TBX5: variants seen among roughly 807,000 people sequenced by gnomAD.
TBX5 encodes the protein T-box transcription factor TBX5.
A neutral mutation model predicts 51.1 loss-of-function variants in TBX5; 8 were observed. That is an observed-to-expected ratio of 0.16 (90% CI 0.09 to 0.28). The LOEUF is 0.28. Ranked by LOEUF, TBX5 falls within the 10% of genes least tolerant of loss-of-function variation. The probability of loss-of-function intolerance (pLI) is 1.00; values close to 1 mark genes in which losing one functional copy is unlikely to be tolerated. For missense variants in TBX5, 589 were observed against 671.7 expected, an observed-to-expected ratio of 0.88 and a Z score of 1.36; for synonymous variants, 302 against 266.4, an observed-to-expected ratio of 1.13 and a Z score of -1.30.
intron 6 of TBX5, among the ~76,000 whole-genome samples, chr12:114,389,987 G>A (rs1871074576): frequency 6.6e-6 from 1 of 151,730 alleles, no homozygotes; most frequent in African/African-American, 2.4e-5. Flanking sequence ...AGAAAAGGGT[G>A]AATTTTATGT....
chr12:114,396,174 ACTCGCGGG>A (rs1871410275), intron 5 of TBX5, among the ~76,000 whole-genome samples: 1 of 150,800 alleles, frequency 6.6e-6, no homozygotes, highest in Non-Finnish European at 1.5e-5. Flanking sequence ...GGGACGAGGA[ACTCGCGGG>A]CCCCGCGGCT....
intron 5 of TBX5, among the ~76,000 whole-genome samples, chr12:114,397,097 G>A (rs534423240): frequency 4.1e-4 from 63 of 152,238 alleles, no homozygotes; most frequent in African/African-American, 1.4e-3. Flanking sequence ...TCAGCCCCAA[G>A]GCCTCAAAGG....
At chr12:114,367,441 C>G (rs1190780761) in intron 7 of TBX5, among the ~76,000 whole-genome samples, 1 of 152,116 alleles carries the variant, frequency 6.6e-6, no homozygotes, top group Non-Finnish European at 1.5e-5. Context: ...TAGCATCCCT[C>G]AGTGTGCTCA....
At chr12:114,396,507 C>G (rs1157443054) in intron 5 of TBX5, among the ~76,000 whole-genome samples, 1 of 152,118 alleles carries the variant, frequency 6.6e-6, no homozygotes, top group African/African-American at 2.4e-5. Context: ...GCTCCGAGCC[C>G]CTCTCCCCAG....
At chr12:114,363,017 G>T (rs1869328024) in intron 8 of TBX5, among the ~76,000 whole-genome samples, 1 of 152,160 alleles carries the variant, frequency 6.6e-6, no homozygotes, top group Non-Finnish European at 1.5e-5. Flanking sequence ...CAACCTGCTT[G>T]CAACCGTATG....
intron 7 of TBX5, among the ~76,000 whole-genome samples, chr12:114,384,777 G>A (rs1055569542): frequency 6.7e-6 from 1 of 149,682 alleles, no homozygotes; most frequent in Non-Finnish European, 1.5e-5. Flanking sequence ...TGGTCAGAGG[G>A]ATCAAGATGT....
rs1593883778 is a variant in TBX5, at chr12:114,401,816, A to G, written c.242+10T>C. ...CCTCGTCCCTCTCTCTACACAACAA[A>G]CCATCTCACCTTCCAGCCTTGGTTA... On this transcript the variant is annotated intron_variant, in intron 3 of 8. Coordinates refer to ENST00000405440, the MANE Select transcript of TBX5 (RefSeq NM_181486.4). 1.9e-6 allele frequency: 3 copies of G among 1,613,380 alleles called. No individual in the cohort carries two copies. Among genetic ancestry groups the G allele is most frequent in the Non-Finnish European group, 2.5e-6 (3 of 1,179,638 alleles).
chr12:114,360,778 G>A (rs1481671527), intron 8 of TBX5, among the ~76,000 whole-genome samples: 4 of 152,046 alleles, frequency 2.6e-5, no homozygotes, highest in Non-Finnish European at 2.9e-5. Context: ...GGGTGGATGA[G>A]TGGGTGGATG....
intron 6 of TBX5, among the ~76,000 whole-genome samples, chr12:114,388,992 G>A (rs980248631): frequency 1.3e-5 from 2 of 151,994 alleles, no homozygotes; most frequent in Admixed American, 6.5e-5. Context: ...GCAGTGGCGC[G>A]ATCTTGGCTC....
At chr12:114,407,165 A>C (rs550576580), upstream of TBX5, 12 of 959,568 alleles carry the variant, frequency 1.3e-5, no homozygotes, top group Non-Finnish European at 1.5e-5. Flanking sequence ...ATTGCTGCAA[A>C]ATGCCAAAGT....
intron 7 of TBX5, among the ~76,000 whole-genome samples, chr12:114,380,447 T>A (rs1416429664): frequency 6.6e-6 from 1 of 152,212 alleles, no homozygotes; most frequent in Non-Finnish European, 1.5e-5. Flanking sequence ...TCCTCTTTAA[T>A]CAGCCTTAAC....
At chr12:114,386,947 A>T (rs902072060) in intron 6 of TBX5, among the ~76,000 whole-genome samples, 16 of 135,500 alleles carry the variant, frequency 1.2e-4, no homozygotes, top group African/African-American at 4.5e-4. Context: ...TACAAAATTT[A>T]AAAAAAAAAA....
intron 7 of TBX5, among the ~76,000 whole-genome samples, chr12:114,379,824 T>C (rs1482267703): frequency 6.6e-6 from 1 of 152,204 alleles, no homozygotes; most frequent in African/African-American, 2.4e-5. Flanking sequence ...ATGTTTTAGT[T>C]GCATAAACAA....
At chr12:114,356,707 T>C (rs1357381639) in intron 8 of TBX5, among the ~76,000 whole-genome samples, 1 of 152,164 alleles carries the variant, frequency 6.6e-6, no homozygotes, top group African/African-American at 2.4e-5. Context: ...GCATCAACAA[T>C]AAGTCAAAAC....
intron 2 of TBX5, 25 bp from the exon 3 acceptor site, chr12:114,401,945 A>AAC (rs1161977059): frequency 6.8e-6 from 11 of 1,606,360 alleles, no homozygotes; most frequent in Non-Finnish European, 9.4e-6. Context: ...AAAAAGTCAC[A>AAC]CTAACAAGCC....
chr12:114,404,043 A>G (rs1872028782), intron 1 of TBX5, 107 bp from the exon 2 acceptor site: 1 of 1,237,472 alleles, frequency 8.1e-7, no homozygotes, highest in Non-Finnish European at 1.1e-6. Flanking sequence ...TTTGGCCCCC[A>G]GTTTCCAGCT....
At chr12:114,356,721 C>T (rs975543351) in intron 8 of TBX5, among the ~76,000 whole-genome samples, 1 of 152,174 alleles carries the variant, frequency 6.6e-6, no homozygotes, top group African/African-American at 2.4e-5. Flanking sequence ...TCAAAACAAA[C>T]ATATACAGTG....
chr12:114,374,147 G>A (rs1014333808), intron 7 of TBX5, among the ~76,000 whole-genome samples: 1 of 152,198 alleles, frequency 6.6e-6, no homozygotes, highest in Non-Finnish European at 1.5e-5. Flanking sequence ...TATTTCTGAA[G>A]GAATGATAAA....
intron 7 of TBX5, among the ~76,000 whole-genome samples, chr12:114,373,238 G>A (rs1870015426): frequency 6.6e-6 from 1 of 152,096 alleles, no homozygotes; most frequent in African/African-American, 2.4e-5. Flanking sequence ...TCAAACTATA[G>A]AGATGGTTCG....
Sources: allele counts gnomAD v4.1 joint callset (sites outside exome capture counted in the v4.1 genomes callset), GRCh38; gene constraint gnomAD v4.1.1; transcripts MANE v1.5; gene names NCBI Gene and HGNC (gene_info 2026-07-23, HGNC 2026-07-21).